The following TTC17 variants were observed in gnomAD, a reference collection of about 807,000 sequenced individuals.
TTC17 encodes tetratricopeptide repeat domain 17.
Under a neutral mutation model 143.8 loss-of-function variants are expected in TTC17, and 58 were observed. That is an observed-to-expected ratio of 0.40 (90% CI 0.33 to 0.50). The LOEUF is 0.50. TTC17 is among the 20% of genes least tolerant of loss of function. TTC17 has a pLI of 0.49. For synonymous variants in TTC17, 501 were observed against 497.8 expected, an observed-to-expected ratio of 1.01 and a Z score of -0.09; for missense variants, 1,273 against 1,392.5, an observed-to-expected ratio of 0.91 and a Z score of 1.37.
intron 21 of TTC17, among the ~76,000 whole-genome samples, chr11:43,462,943 T>C (rs1947898347): frequency 7.5e-6 from 1 of 133,298 alleles, no homozygotes; most frequent in Non-Finnish European, 1.6e-5. Flanking sequence ...TGAGACAGAG[T>C]CTCACTCTAT....
chr11:43,483,440 A>G (rs1287680604), intron 21 of TTC17, among the ~76,000 whole-genome samples: 1 of 152,138 alleles, frequency 6.6e-6, no homozygotes, highest in Non-Finnish European at 1.5e-5. Flanking sequence ...AATCTCACTC[A>G]TGAACTTAGG....
intron 16 of TTC17, among the ~76,000 whole-genome samples, chr11:43,415,739 T>C (rs1946763926): frequency 6.6e-6 from 1 of 152,152 alleles, no homozygotes; most frequent in Admixed American, 6.6e-5. Flanking sequence ...TTTAATAGAG[T>C]GATAGACGGT....
rs1308362055 is a variant in TTC17, at chr11:43,372,396, G to A, written c.160-6837G>A. 2.6e-5 allele frequency among the ~76,000 whole-genome samples: 4 copies of A among 151,598 alleles called. No individual in the cohort carries two copies. The East Asian group carries it at 7.7e-4, about 29-fold the overall frequency. ...CCTTTCACTGCAACTTCCACTTCCT[G>A]GCTTCAAGCTATTCTCCTGCCTCAG... On this transcript the variant is annotated intron_variant, in intron 1 of 23. Coordinates refer to ENST00000039989, the MANE Select transcript of TTC17 (RefSeq NM_018259.6).
At chr11:43,446,700 A>G (rs1206026359) in intron 18 of TTC17, 1 of 984,080 alleles carries the variant, frequency 1.0e-6, no homozygotes, top group Non-Finnish European at 1.2e-6. Flanking sequence ...TTCCTATAAT[A>G]TAAAAAGCGC....
chr11:43,389,984 A>G (rs1221777265), intron 3 of TTC17, among the ~76,000 whole-genome samples, 163 bp downstream of exon 3: 2 of 152,216 alleles, frequency 1.3e-5, no homozygotes, highest in Non-Finnish European at 2.9e-5. Context: ...TTATAAATTA[A>G]TTTAAAATAT....
intron 1 of TTC17, among the ~76,000 whole-genome samples, chr11:43,364,642 T>G (rs542835242): frequency 6.6e-5 from 10 of 152,308 alleles, no homozygotes; most frequent in Admixed American, 5.9e-4. Flanking sequence ...TGATTCTCAT[T>G]CAGTCCATTT....
rs118150294 is a variant in TTC17, at chr11:43,361,733, A to T, written c.159+2620A>T. Among the ~76,000 whole-genome samples, 214 of 152,304 alleles carry T rather than the reference A, an allele frequency of 1.4e-3. 4 individuals carry two copies. The highest frequency in any genetic ancestry group is 8.1e-3 in the East Asian group (42 of 5,178). ...CTGACATACCAAATTCTTGCTGCTT[A>T]TTCTTGGTTACAATATTTGAATGAG... On this transcript the variant is annotated intron_variant, in intron 1 of 23. Transcript: ENST00000039989.
chr11:43,359,249 G>C, intron 1 of TTC17, 136 bp downstream of exon 1: 1 of 1,110,258 alleles, frequency 9.0e-7, no homozygotes, highest in South Asian at 1.9e-5. Context: ...CCGCGACCTC[G>C]GACTCCCTGC....
chr11:43,426,458 A>C (rs779722804), intron 16 of TTC17, among the ~76,000 whole-genome samples: 1 of 152,380 alleles, frequency 6.6e-6, no homozygotes, highest in East Asian at 1.9e-4. Context: ...GATATGTTCA[A>C]ATTAAAGTGC....
At chr11:43,396,611 A>C (rs1470483849) in intron 5 of TTC17, 98 bp from the exon 6 acceptor site, 1 of 593,566 alleles carries the variant, frequency 1.7e-6, no homozygotes, top group African/African-American at 1.9e-5. Context: ...CTTCATCTTG[A>C]ATTTCAGAAG....
At chr11:43,429,661 C>T (rs1947108734) in intron 16 of TTC17, among the ~76,000 whole-genome samples, 2 of 152,134 alleles carry the variant, frequency 1.3e-5, no homozygotes, top group South Asian at 2.1e-4. Flanking sequence ...TAAAAGGAAA[C>T]AGTCACCATG....
chr11:43,404,058 C>T lies in TTC17; in HGVS notation c.1393C>T (p.Gln465Ter). 1 of 1,613,062 alleles carries T rather than the reference C, an allele frequency of 6.2e-7. No individual in the cohort carries two copies. The highest frequency in any genetic ancestry group is 8.5e-7 in the Non-Finnish European group (1 of 1,179,432). Reference protein sequence around the residue: ...MSVNFDVQSNQSDINDSVKSS... With the variant: ...MSVNFDVQSN ...TGTGAACTTTGATGTTCAATCAAAT[C>T]AGAGTGATATCAATGATTCGGTCAA... Residue 465 changes from glutamine to a stop codon, truncating the protein, a stop_gained, in exon 11 of 24, where the codon CAG (glutamine) becomes TAG (stop). Coordinates refer to ENST00000039989, the MANE Select transcript of TTC17 (RefSeq NM_018259.6). LOFTEE classifies it high-confidence loss of function.
chr11:43,388,887 G>A (rs1213034850), intron 2 of TTC17, among the ~76,000 whole-genome samples: 1 of 151,584 alleles, frequency 6.6e-6, no homozygotes, highest in Non-Finnish European at 1.5e-5. Flanking sequence ...GAGGCAGGAG[G>A]ATCCCCTGAG....
intron 21 of TTC17, among the ~76,000 whole-genome samples, chr11:43,475,568 A>C (rs1312028200): frequency 6.6e-6 from 1 of 152,090 alleles, no homozygotes; most frequent in Non-Finnish European, 1.5e-5. Flanking sequence ...CAAGCAGTCC[A>C]CCCACCTCCA....
intron 10 of TTC17, 29 bp from the exon 11 acceptor site, chr11:43,403,969 T>C: frequency 1.3e-6 from 2 of 1,559,094 alleles, no homozygotes; most frequent in Non-Finnish European, 1.7e-6. Context: ...CACTTTCAAT[T>C]TGATTGAACT....
At chr11:43,491,887 C>A in intron 22 of TTC17, 133 bp from the exon 23 acceptor site, 1 of 1,203,882 alleles carries the variant, frequency 8.3e-7, no homozygotes, top group African/African-American at 1.5e-5. Context: ...GCAAACAGCA[C>A]AAAAGCACTT....
At position 43,429,593 on chromosome 11, in the gene TTC17, G is replaced by C. The variant is rs552474814; in HGVS notation, c.2252-13732G>C. 2.0e-5 allele frequency among the ~76,000 whole-genome samples: 3 copies of C among 152,308 alleles called. No homozygotes were observed. In the South Asian group the frequency reaches 6.2e-4, roughly 32 times the overall value. ...ATTTTACTACCTCTTCTAAAAGACA[G>C]ATTATATTTTACTAGAGATAAATAT... On this transcript the variant is annotated intron_variant, in intron 16 of 23. Coordinates refer to ENST00000039989, the MANE Select transcript of TTC17 (RefSeq NM_018259.6).
chr11:43,377,612 G>A (rs1468000696), intron 1 of TTC17, among the ~76,000 whole-genome samples: 1 of 152,132 alleles, frequency 6.6e-6, no homozygotes, highest in Non-Finnish European at 1.5e-5. Context: ...ACAGCTGTCA[G>A]TGAACTCCCT....
rs1424525257 is a variant in TTC17, at chr11:43,359,123, G to A, written c.159+10G>A. ...GAAAATCCAGCAGCAGGTAGCGGCC[G>A]GGGCGTCCCTCTTCTCCCGTGCCCG... On this transcript the variant is annotated intron_variant, in intron 1 of 23. Transcript: ENST00000039989. 1.3e-6 allele frequency: 2 copies of A among 1,576,680 alleles called. No homozygotes were observed. The highest frequency in any genetic ancestry group is 2.4e-5 in the East Asian group (1 of 40,922).
Sources: allele counts gnomAD v4.1 joint callset (sites outside exome capture counted in the v4.1 genomes callset), GRCh38; gene constraint gnomAD v4.1.1; transcripts MANE v1.5; gene names NCBI Gene and HGNC (gene_info 2026-07-23, HGNC 2026-07-21).